The following SBF2 variants were observed in gnomAD, a reference collection of about 807,000 sequenced individuals.
The protein encoded by SBF2 is SET binding factor 2.
SBF2 carries 112 observed loss-of-function variants against 225.2 expected under a neutral mutation model. The ratio of observed to expected loss-of-function variants is 0.50; its 90% CI spans 0.43 to 0.58. The LOEUF (loss-of-function observed/expected upper bound fraction) is 0.58, where lower values mean the gene tolerates loss of function less well. Ranked by LOEUF, SBF2 falls within the 20% of genes least tolerant of loss-of-function variation. SBF2 has a pLI of 0.00. For synonymous variants in SBF2, 763 were observed against 773.3 expected (o/e 0.99, Z 0.22); for missense variants, 1,996 against 2,206.2 (o/e 0.90, Z 1.91).
At position 10,132,709 on chromosome 11, in the gene SBF2, G is replaced by C. The variant is rs192822422; in HGVS notation, c.141+61193C>G. 3.2e-3 allele frequency among the ~76,000 whole-genome samples: 469 copies of C among 148,760 alleles called. 26 individuals carry two copies. The highest frequency in any genetic ancestry group is 0.011 in the African/African-American group (451 of 40,370). ...AGAACGAAAGAACAAAGCTTCCACAGTGTGGAAGGGGACCCGAGCGGGTTG... is the reference window on the plus strand; with the variant it reads ...AGAACGAAAGAACAAAGCTTCCACACTGTGGAAGGGGACCCGAGCGGGTTG... On this transcript the variant is annotated intron_variant, in intron 2 of 39. Coordinates refer to ENST00000256190, the MANE Select transcript of SBF2 (RefSeq NM_030962.4).
rs896508550 is a variant in SBF2, at chr11:9,940,834, G to T, written c.1860+21123C>A. 2.0e-5 allele frequency among the ~76,000 whole-genome samples: 3 copies of T among 151,962 alleles called. No individual in the cohort carries two copies. In the South Asian group the frequency reaches 6.2e-4, roughly 32 times the overall value. On this transcript the variant is annotated intron_variant, in intron 16 of 39. Transcript: ENST00000256190. ...TAGATGAATGGAAATAATAAAGATA[G>T]AAAAGAAATTAATTAGACAGAAAGC...
chr11:10,046,346 A>G (rs984248121), intron 2 of SBF2, among the ~76,000 whole-genome samples: 6 of 152,230 alleles, frequency 3.9e-5, no homozygotes, highest in African/African-American at 1.4e-4. Flanking sequence ...ATTATTGACC[A>G]ATATTGCTCA....
intron 26 of SBF2, among the ~76,000 whole-genome samples, chr11:9,835,631 C>CAA (rs58436467): frequency 6.4e-5 from 4 of 62,132 alleles, no homozygotes; most frequent in African/African-American, 6.5e-5. Flanking sequence ...GACCTTGTCT[C>CAA]AAAAAAAAAA....
chr11:10,042,540 C>T (rs569168624), intron 3 of SBF2, among the ~76,000 whole-genome samples: 2 of 152,274 alleles, frequency 1.3e-5, no homozygotes, highest in African/African-American at 4.8e-5. Context: ...AGGAGAAGGG[C>T]TGGCAGGGAA....
intron 17 of SBF2, among the ~76,000 whole-genome samples, chr11:9,876,332 C>A (rs1168148441): frequency 6.6e-6 from 1 of 152,176 alleles, no homozygotes; most frequent in African/African-American, 2.4e-5. Context: ...TTTGCTCTCT[C>A]TTTATTTACT....
chr11:10,145,385 T>G (rs1181822530), intron 2 of SBF2, among the ~76,000 whole-genome samples: 1 of 152,152 alleles, frequency 6.6e-6, no homozygotes, highest in Non-Finnish European at 1.5e-5. Context: ...TGGATCATTA[T>G]TTATGACCCA....
At chr11:10,169,111 T>C (rs1956090610) in intron 2 of SBF2, among the ~76,000 whole-genome samples, 1 of 152,206 alleles carries the variant, frequency 6.6e-6, no homozygotes, top group Admixed American at 6.5e-5. Flanking sequence ...TATTCTGATA[T>C]GCATATAATG....
At chr11:10,274,182 A>C (rs2135544318) in intron 1 of SBF2, among the ~76,000 whole-genome samples, 1 of 152,336 alleles carries the variant, frequency 6.6e-6, no homozygotes, top group South Asian at 2.1e-4. Context: ...GAGAAATAGA[A>C]GAACTGGAGC....
chr11:9,875,717 C>T (rs978454812), intron 17 of SBF2, among the ~76,000 whole-genome samples: 2 of 152,166 alleles, frequency 1.3e-5, no homozygotes, highest in Non-Finnish European at 2.9e-5. Flanking sequence ...AGTTTGGGTG[C>T]TTGGAATATG....
chr11:9,782,357 T>C (rs1394705788), intron 38 of SBF2, among the ~76,000 whole-genome samples: 1 of 152,078 alleles, frequency 6.6e-6, no homozygotes, highest in Admixed American at 6.5e-5. Flanking sequence ...AAATGATCTA[T>C]AAACATCTGA....
chr11:10,066,550 G>A (rs1309551399), intron 2 of SBF2, among the ~76,000 whole-genome samples: 3 of 151,918 alleles, frequency 2.0e-5, no homozygotes, highest in South Asian at 2.1e-4. Context: ...AACAGAAAAC[G>A]CATTTGACAA....
In SBF2 at chr11:9,846,923, G is replaced by C. The variant is rs1856588926; in HGVS notation, c.2934+33C>G. On this transcript the variant is annotated intron_variant, in intron 23 of 39. Transcript: ENST00000256190. ...TATCATTTGACTTTTGAAAATTTTT[G>C]AATAGTAAAACAATGGCTTCCTTTT... is the stretch of plus-strand genomic sequence containing the variant. The C allele has an allele frequency of 2.5e-6, 4 of 1,612,732 alleles. 1 individual carries two copies. Among genetic ancestry groups the C allele is most frequent in the South Asian group, 2.2e-5 (2 of 91,020 alleles).
chr11:10,152,549 C>CAAA (rs879643809), intron 2 of SBF2, among the ~76,000 whole-genome samples: 58 of 139,476 alleles, frequency 4.2e-4, no homozygotes, highest in African/African-American at 1.5e-3. Context: ...AACTCCATCT[C>CAAA]AAAAAAAAAA....
chr11:9,790,550 C>G lies in SBF2; in HGVS notation c.4698+6G>C. 6.3e-7 allele frequency: 1 copy of G among 1,580,418 alleles called. No homozygotes were observed. The highest frequency in any genetic ancestry group is 1.1e-5 in the South Asian group (1 of 87,748). ...AAAGTGAAACATAAATGATTTCTTA[C>G]TCTACCTCTATTTCCAATGGTGAAT... On this transcript the variant is annotated splice_donor_region_variant and intron_variant, in intron 34 of 39. Coordinates refer to ENST00000256190, the MANE Select transcript of SBF2 (RefSeq NM_030962.4).
rs1302721881 is a variant in SBF2 at position 9,865,711 on chromosome 11, AAAAAAG to A, written c.1930-7321_1930-7316del. On this transcript the variant is annotated intron_variant, in intron 17 of 39. Coordinates refer to ENST00000256190, the MANE Select transcript of SBF2 (RefSeq NM_030962.4). ...CTCAAAAAAAAAAAAAAAAAAAAAA[AAAAAAG>A]GCGGGAGGCGTTGGGGGGCGAAACT... 7.1e-4 allele frequency among the ~76,000 whole-genome samples: 97 copies of A among 135,818 alleles called. 4 individuals are homozygous for A. Among genetic ancestry groups the A allele is most frequent in the Middle Eastern group, 3.9e-3 (1 of 256 alleles). The allele number at this position is 135,818 out of a possible 152,430, so 89.1% of individuals were successfully genotyped here.
At chr11:10,042,801 G>C in intron 3 of SBF2, 43 bp downstream of exon 3, 1 of 1,605,312 alleles carries the variant, frequency 6.2e-7, no homozygotes, top group Non-Finnish European at 8.5e-7. Context: ...ATTCCTAAAT[G>C]TTGTACCTTC....
intron 16 of SBF2, among the ~76,000 whole-genome samples, chr11:9,917,633 C>T (rs781301027): frequency 2.6e-5 from 4 of 151,258 alleles, no homozygotes; most frequent in Non-Finnish European, 4.4e-5. Context: ...CGCCCAGCCA[C>T]AAGTTTTTAT....
intron 17 of SBF2, among the ~76,000 whole-genome samples, chr11:9,869,148 G>A (rs1858501295): frequency 6.6e-6 from 1 of 152,120 alleles, no homozygotes; most frequent in Non-Finnish European, 1.5e-5. Context: ...AAAGCAATAA[G>A]TTGTTTTTCT....
intron 2 of SBF2, among the ~76,000 whole-genome samples, chr11:10,183,273 G>A (rs555206088): frequency 3.9e-5 from 6 of 152,044 alleles, no homozygotes; most frequent in East Asian, 1.9e-4. Context: ...TTCTTCCAGC[G>A]TCCTCCTCCT....
Sources: allele counts gnomAD v4.1 joint callset (sites outside exome capture counted in the v4.1 genomes callset), GRCh38; gene constraint gnomAD v4.1.1; transcripts MANE v1.5; gene names NCBI Gene and HGNC (gene_info 2026-07-23, HGNC 2026-07-21).